Variants in ABTB3 observed in about 807,000 individuals in gnomAD.
The protein encoded by ABTB3 is ankyrin repeat and BTB domain containing 3.
At chr12:107,640,948 G>A in the ABTB3 span, among the ~76,000 whole-genome samples, 1 of 152,186 alleles carries the variant, frequency 6.6e-6, no homozygotes, top group African/African-American at 2.4e-5. Context: ...CCTGAACAGG[G>A]AGCAGTGAGG....
At chr12:107,577,938 T>G in the ABTB3 span, among the ~76,000 whole-genome samples, 1 of 152,158 alleles carries the variant, frequency 6.6e-6, no homozygotes, top group Non-Finnish European at 1.5e-5. Flanking sequence ...CTCCTCAAGC[T>G]TCTTTTGGGT....
At chr12:107,520,636 A>G in the ABTB3 span, 4 of 1,614,080 alleles carry the variant, frequency 2.5e-6, no homozygotes, top group South Asian at 4.4e-5. Context: ...CGCCGAATTG[A>G]GTAAGTAGAT....
the ABTB3 span, among the ~76,000 whole-genome samples, chr12:107,558,286 T>C: frequency 6.6e-6 from 1 of 152,136 alleles, no homozygotes; most frequent in Non-Finnish European, 1.5e-5. Context: ...CTTCTCTCTA[T>C]GGGTTAGTAA....
At chr12:107,532,152 A>G in the ABTB3 span, among the ~76,000 whole-genome samples, 2 of 152,324 alleles carry the variant, frequency 1.3e-5, no homozygotes, top group South Asian at 4.1e-4. Flanking sequence ...ACCCAAACAC[A>G]GCACCCAAGA....
chr12:107,596,656 C>T, the ABTB3 span, among the ~76,000 whole-genome samples: 50 of 152,242 alleles, frequency 3.3e-4, no homozygotes, highest in African/African-American at 1.2e-3. Context: ...AGTCTTCAAA[C>T]ACCGTATTGG....
chr12:107,612,893 G>T, the ABTB3 span: 1 of 1,606,250 alleles, frequency 6.2e-7, no homozygotes. Flanking sequence ...GGCCAGCAGG[G>T]CCCCTCGGCC....
At chr12:107,601,915 T>C in the ABTB3 span, among the ~76,000 whole-genome samples, 1 of 152,246 alleles carries the variant, frequency 6.6e-6, no homozygotes, top group Admixed American at 6.5e-5. Context: ...AAATTAAAGC[T>C]GTGCCAGGTT....
chr12:107,318,947 A>C, the ABTB3 span: 2 of 1,603,770 alleles, frequency 1.2e-6, no homozygotes, highest in Non-Finnish European at 1.7e-6. Context: ...AGCGATGGCC[A>C]GGAGAGGTAA....
At chr12:107,565,109 G>A in the ABTB3 span, among the ~76,000 whole-genome samples, 1 of 152,194 alleles carries the variant, frequency 6.6e-6, no homozygotes, top group Non-Finnish European at 1.5e-5. Context: ...AGAGAGGCTG[G>A]GAAGCTGGAA....
At chr12:107,592,430 G>A in the ABTB3 span, among the ~76,000 whole-genome samples, 1 of 152,194 alleles carries the variant, frequency 6.6e-6, no homozygotes, top group Admixed American at 6.5e-5. Flanking sequence ...AAGAAGACAT[G>A]TACATGGATA....
chr12:107,571,967 T>C, the ABTB3 span, among the ~76,000 whole-genome samples: 7 of 152,216 alleles, frequency 4.6e-5, no homozygotes, highest in Non-Finnish European at 7.3e-5. Flanking sequence ...AGAGATAAGA[T>C]GCAGATGCCA....
the ABTB3 span, among the ~76,000 whole-genome samples, chr12:107,656,930 C>CCGG: frequency 4.6e-5 from 7 of 152,148 alleles, no homozygotes; most frequent in African/African-American, 1.7e-4. Context: ...TTTGGGACGC[C>CCGG]CGCCTTGGTG....
At chr12:107,494,746 C>T in the ABTB3 span, among the ~76,000 whole-genome samples, 2 of 152,084 alleles carry the variant, frequency 1.3e-5, no homozygotes, top group African/African-American at 4.8e-5. Flanking sequence ...CCTTGGGCTT[C>T]AGCAGCTTCC....
At chr12:107,403,890 C>T in the ABTB3 span, among the ~76,000 whole-genome samples, 7 of 152,066 alleles carry the variant, frequency 4.6e-5, no homozygotes, top group East Asian at 1.9e-4. Context: ...TGGCCGGGCG[C>T]GGTGGCTCAC....
the ABTB3 span, among the ~76,000 whole-genome samples, chr12:107,346,368 C>A: frequency 2.6e-5 from 4 of 152,112 alleles, no homozygotes; most frequent in Admixed American, 6.5e-5. Flanking sequence ...GGAAATGGCC[C>A]CTTGTGATGG....
chr12:107,465,502 G>T, the ABTB3 span, among the ~76,000 whole-genome samples: 1 of 152,132 alleles, frequency 6.6e-6, no homozygotes, highest in African/African-American at 2.4e-5. Context: ...CTCAATGATG[G>T]TTTATTAGAT....
chr12:107,375,664 C>T, the ABTB3 span, among the ~76,000 whole-genome samples: 39,787 of 151,948 alleles, frequency 0.26, 5,337 homozygotes, highest in Admixed American at 0.3. Context: ...CAGTGATGTT[C>T]GTTACTTACC....
chr12:107,578,372 T>C, the ABTB3 span, among the ~76,000 whole-genome samples: 1 of 146,652 alleles, frequency 6.8e-6, no homozygotes, highest in African/African-American at 2.6e-5. Context: ...AGAGCCTTTT[T>C]CTTTCTTCTT....
chr12:107,377,553 A>AG, the ABTB3 span, among the ~76,000 whole-genome samples: 2 of 152,052 alleles, frequency 1.3e-5, no homozygotes, highest in Non-Finnish European at 2.9e-5. Context: ...TGGGTCTTAG[A>AG]GGGTCCCATG....
Sources: allele counts gnomAD v4.1 joint callset (sites outside exome capture counted in the v4.1 genomes callset), GRCh38; gene constraint gnomAD v4.1.1; transcripts MANE v1.5; gene names NCBI Gene and HGNC (gene_info 2026-07-23, HGNC 2026-07-21).